Variants in PDE11A observed in about 807,000 individuals in gnomAD.
PDE11A encodes dual 3',5'-cyclic-AMP and -GMP phosphodiesterase 11A.
Under a neutral mutation model 100.5 loss-of-function variants are expected in PDE11A, and 100 were observed. The observed-to-expected ratio is 1.00, with a 90% CI of 0.85 to 1.18. The LOEUF is 1.18. Ranked by LOEUF, PDE11A falls within the 50% of genes most tolerant of loss-of-function variation. PDE11A has a pLI of 0.00. For synonymous variants in PDE11A, 381 were observed against 420.8 expected (o/e 0.91, Z 1.16); for missense variants, 1,141 against 1,152.6 (o/e 0.99, Z 0.15).
intron 1 of PDE11A, among the ~76,000 whole-genome samples, chr2:178,060,974 C>A (rs1228509091): frequency 1.6e-4 from 19 of 117,716 alleles, no homozygotes; most frequent in African/African-American, 5.2e-4. Flanking sequence ...GACAGAGTCT[C>A]ACTCTGTCAC....
At position 178,072,271 on chromosome 2, in the gene PDE11A, G is replaced by A. The variant is rs150862803; in HGVS notation, c.167C>T (p.Ala56Val). ...GCTGTGAGCCAAGCTGCTGGTACCAGCCAAAGAGGGCCTTGGACCTAAAGC... is the reference window on the plus strand; with the variant it reads ...GCTGTGAGCCAAGCTGCTGGTACCAACCAAAGAGGGCCTTGGACCTAAAGC... ...QGALGPRPSL[A>V]GTSSLAHSTC... The change falls in exon 1 of 20, where the codon GCT becomes GTT. Residue 56 changes from alanine to valine, a missense_variant. Physicochemically the swap from Ala to Val is moderately conservative, Grantham distance 64. Transcript: ENST00000286063. The A allele has an allele frequency of 2.5e-6, 4 of 1,613,506 alleles. No homozygotes were observed. The highest frequency in any genetic ancestry group is 3.3e-5 in the Admixed American group (2 of 59,944).
chr2:177,775,061 C>T (rs367811974), intron 9 of PDE11A, among the ~76,000 whole-genome samples: 1 of 152,028 alleles, frequency 6.6e-6, no homozygotes, highest in Non-Finnish European at 1.5e-5. Context: ...ATGGAAGGGG[C>T]CACGAGCACA....
chr2:177,794,710 G>A (rs1448793090), intron 9 of PDE11A, among the ~76,000 whole-genome samples: 1 of 151,882 alleles, frequency 6.6e-6, no homozygotes, highest in Non-Finnish European at 1.5e-5. Context: ...CCCCTACACC[G>A]ACCCCCCAAC....
intron 9 of PDE11A, among the ~76,000 whole-genome samples, chr2:177,788,835 C>T (rs1471171448): frequency 1.3e-5 from 2 of 152,054 alleles, no homozygotes; most frequent in African/African-American, 4.8e-5. Context: ...CAAGACTAAA[C>T]CAGGAAGAAG....
chr2:177,857,346 C>A (rs1027741401), intron 5 of PDE11A, among the ~76,000 whole-genome samples: 1 of 151,830 alleles, frequency 6.6e-6, no homozygotes, highest in African/African-American at 2.4e-5. Flanking sequence ...CAATCTGAAT[C>A]CACATGAAGA....
chr2:177,906,152 CTCTG>C (rs1269058036), intron 2 of PDE11A, among the ~76,000 whole-genome samples: 2 of 149,088 alleles, frequency 1.3e-5, no homozygotes, highest in Non-Finnish European at 3.0e-5. Context: ...CTCTATGTCT[CTCTG>C]TCTCTCTCTC....
intron 6 of PDE11A, among the ~76,000 whole-genome samples, chr2:177,837,593 A>G (rs113181692): frequency 5.9e-5 from 9 of 152,044 alleles, no homozygotes; most frequent in African/African-American, 1.9e-4. Flanking sequence ...AGTACTTTCA[A>G]GTTAATAGCT....
At chr2:177,848,415 C>T (rs1039643122) in intron 5 of PDE11A, among the ~76,000 whole-genome samples, 4 of 152,144 alleles carry the variant, frequency 2.6e-5, no homozygotes, top group East Asian at 1.9e-4. Flanking sequence ...AGTAGACCTC[C>T]CTAAGCTCGA....
intron 9 of PDE11A, among the ~76,000 whole-genome samples, chr2:177,771,600 A>G (rs947564812): frequency 4.6e-5 from 7 of 152,336 alleles, no homozygotes; most frequent in Admixed American, 3.3e-4. Context: ...AACACTAACA[A>G]GGAGTCTACT....
intron 9 of PDE11A, among the ~76,000 whole-genome samples, chr2:177,794,158 G>A (rs1357483777): frequency 6.6e-6 from 1 of 152,080 alleles, no homozygotes; most frequent in Non-Finnish European, 1.5e-5. Context: ...TAGCATGTTG[G>A]GGGCAGGAAA....
At chr2:177,727,840 T>G in intron 11 of PDE11A, 75 bp from the exon 12 acceptor site, 1 of 1,015,234 alleles carries the variant, frequency 9.8e-7, no homozygotes, top group South Asian at 1.3e-5. Flanking sequence ...TGGTGCCTTA[T>G]ATCTGAGTAA....
rs200527334 is a variant in PDE11A at position 177,848,914 on chromosome 2, C to CA, written c.1368-8532dup. ...AAGACTATCTTCAGCATTACTTTTC[C>CA]AAAAAAAAGAGTCTCCACATTAGAA... On this transcript the variant is annotated intron_variant, in intron 5 of 19. Transcript: ENST00000286063. Among the ~76,000 whole-genome samples, 1,101 of 151,480 alleles carry CA rather than the reference C, an allele frequency of 7.3e-3. 4 individuals carry two copies. Among genetic ancestry groups the CA allele is most frequent in the African/African-American group, 0.014 (568 of 41,362 alleles).
intron 2 of PDE11A, among the ~76,000 whole-genome samples, chr2:177,948,332 G>A (rs1249910261): frequency 6.6e-6 from 1 of 152,086 alleles, no homozygotes; most frequent in Non-Finnish European, 1.5e-5. Context: ...TTGGATCAGA[G>A]ATGAAGAAAA....
rs77724035 is a variant in PDE11A at position 177,648,196 on chromosome 2, T to C, written c.2646+15670A>G. Reference sequence around the variant, plus strand: ...CCACTAGGTATATGTCTGAGGAGGATATTGTATCATTAGCTGGCCTTCTCT... The same window carrying C: ...CCACTAGGTATATGTCTGAGGAGGACATTGTATCATTAGCTGGCCTTCTCT... On this transcript the variant is annotated intron_variant, in intron 19 of 19. Coordinates refer to ENST00000286063, the MANE Select transcript of PDE11A (RefSeq NM_016953.4). Among the ~76,000 whole-genome samples, 738 of 152,188 alleles carry C rather than the reference T, an allele frequency of 4.8e-3. 5 individuals carry two copies. Among genetic ancestry groups the C allele is most frequent in the East Asian group, 0.03 (153 of 5,174 alleles).
chr2:178,060,914 TTA>T (rs1208323560), intron 1 of PDE11A, among the ~76,000 whole-genome samples: 1 of 151,554 alleles, frequency 6.6e-6, no homozygotes, highest in African/African-American at 2.4e-5. Flanking sequence ...ACTGGAATTG[TTA>T]CATAAGCCAT....
rs2105485391 is a variant in PDE11A, at chr2:177,668,108, T to C, written c.2562+1385A>G. ...GAGAAGACAGGAGCATTTAGAGCTA[T>C]GTTTCTACCGCAAAATTAATTTCAT... On this transcript the variant is annotated intron_variant, in intron 18 of 19. Transcript: ENST00000286063. Among the ~76,000 whole-genome samples, 4 of 152,344 alleles carry C rather than the reference T, an allele frequency of 2.6e-5. No individual in the cohort carries two copies. In the Middle Eastern group the frequency reaches 0.01, roughly 389 times the overall value.
intron 19 of PDE11A, among the ~76,000 whole-genome samples, chr2:177,632,101 C>T (rs1020849917): frequency 6.6e-6 from 1 of 152,158 alleles, no homozygotes; most frequent in Admixed American, 6.5e-5. Context: ...GGATAGGACA[C>T]TAGCCTGCCA....
At chr2:177,814,516 C>T (rs73034292) in intron 9 of PDE11A, among the ~76,000 whole-genome samples, 15,138 of 152,036 alleles carry the variant, frequency 0.1, 800 homozygotes, top group African/African-American at 0.14. Context: ...AGAGTGGAAG[C>T]GGCAAGAGCA....
chr2:177,747,486 ATCT>A lies in PDE11A; in HGVS notation c.1789-19317_1789-19315del, dbSNP rs577234252. Among the ~76,000 whole-genome samples, 351 of 152,338 alleles carry A rather than the reference ATCT, an allele frequency of 2.3e-3. 1 individual carries two copies. The highest frequency in any genetic ancestry group is 7.8e-3 in the African/African-American group (326 of 41,582). On this transcript the variant is annotated intron_variant, in intron 10 of 19. Transcript: ENST00000286063. ...TGGCACAGGGAGTTTGCTGTGGAGC[ATCT>A]GGGCCAAGTCCAAAATGGTTCTGGG...
Sources: allele counts gnomAD v4.1 joint callset (sites outside exome capture counted in the v4.1 genomes callset), GRCh38; gene constraint gnomAD v4.1.1; transcripts MANE v1.5; gene names NCBI Gene and HGNC (gene_info 2026-07-23, HGNC 2026-07-21).